STAM: variants seen among roughly 807,000 people sequenced by gnomAD.
STAM encodes signal transducing adaptor molecule, also known as signal transducing adapter molecule 1.
STAM carries 16 observed loss-of-function variants against 63.4 expected under a neutral mutation model. The observed-to-expected ratio is 0.25, with a 90% CI of 0.17 to 0.38. The LOEUF is 0.38. Ranked by LOEUF, STAM falls within the 10% of genes least tolerant of loss-of-function variation. The pLI is 1.00. For missense variants in STAM, 636 were observed against 657.1 expected (o/e 0.97, Z 0.35); for synonymous variants, 238 against 223.9 (o/e 1.06, Z -0.56).
chr10:17,696,709 A>G (rs570128813), intron 7 of STAM, 66 bp from the exon 8 acceptor site: 16 of 1,216,536 alleles, frequency 1.3e-5, no homozygotes, highest in African/African-American at 1.2e-4. Flanking sequence ...GAATACTACA[A>G]AAGATAAAGA....
intron 12 of STAM, among the ~76,000 whole-genome samples, chr10:17,706,556 T>C (rs1836289010): frequency 6.6e-6 from 1 of 151,928 alleles, no homozygotes; most frequent in African/African-American, 2.4e-5. Flanking sequence ...TTTTTTTGTA[T>C]TTTTAGTAGA....
rs141823797 is a variant in STAM at position 17,714,786 on chromosome 10, G to A, written c.*6G>A. On this transcript the variant is annotated 3_prime_UTR_variant, in exon 14 of 14. Transcript: ENST00000377524. ...CTCAGAAGGCTCTGCTATAGGACCC[G>A]GTGTTCCTCTTGGTGGCAGATACCT... The A allele has an allele frequency of 7.5e-4, 1,215 of 1,612,876 alleles. 6 individuals carry two copies. In the African/African-American group the frequency reaches 0.012, roughly 16 times the overall value.
rs7095838 is a variant in STAM at position 17,710,909 on chromosome 10, A to G, written c.1385+1958A>G. On this transcript the variant is annotated intron_variant, in intron 13 of 13. Coordinates refer to ENST00000377524, the MANE Select transcript of STAM (RefSeq NM_003473.4). ...AAATATCTATATATAAAGGTACAATATGTAATATCTGTTTATCAATATATA... is the reference window on the plus strand; with the variant it reads ...AAATATCTATATATAAAGGTACAATGTGTAATATCTGTTTATCAATATATA... 4.1e-3 allele frequency among the ~76,000 whole-genome samples: 631 copies of G among 152,302 alleles called. 6 individuals are homozygous for G. Among genetic ancestry groups the G allele is most frequent in the African/African-American group, 0.015 (612 of 41,560 alleles).
At position 17,695,231 on chromosome 10, in the gene STAM, C is replaced by A. The variant is rs782242148; in HGVS notation, c.718C>A (p.Leu240Ile). 3.7e-6 allele frequency: 6 copies of A among 1,613,270 alleles called. No individual in the cohort carries two copies. Among genetic ancestry groups the A allele is most frequent in the Non-Finnish European group, 4.2e-6 (5 of 1,179,590 alleles). ...TAAAGCTGGAGAAATTATTACAGTT[C>A]TTGATGACAGGTAATGTTAATATTA... ...TFKAGEIITVLDDSDPNWWKG... is the reference protein window; with the variant it reads ...TFKAGEIITVIDDSDPNWWKG... Residue 240 changes from leucine to isoleucine, a missense_variant, in exon 7 of 14, where the codon CTT becomes ATT. Leu to Ile is a conservative substitution (Grantham distance 5). Transcript: ENST00000377524.
At chr10:17,691,298 C>G (rs1455959652) in intron 5 of STAM, among the ~76,000 whole-genome samples, 2 of 152,116 alleles carry the variant, frequency 1.3e-5, no homozygotes, top group African/African-American at 2.4e-5. Context: ...GCGGGTGGGT[C>G]ACGAGGTCAG....
chr10:17,695,868 C>T (rs1480441373), intron 7 of STAM: 3 of 152,088 alleles, frequency 2.0e-5, no homozygotes, highest in African/African-American at 7.2e-5. Context: ...TTTGGGCTGC[C>T]GTAACAAACT....
rs557731800 is a variant in STAM, at chr10:17,697,971, A to T, written c.823+1102A>T. The stretch of plus-strand genomic sequence containing the variant: ...TTGTCCTGGTCATCTTTTTATTTCC[A>T]GCAGCTCCTAATAGTGAGTCTTATA... On this transcript the variant is annotated intron_variant, in intron 8 of 13. Coordinates refer to ENST00000377524, the MANE Select transcript of STAM (RefSeq NM_003473.4). 5.3e-5 allele frequency among the ~76,000 whole-genome samples: 8 copies of T among 152,284 alleles called. No homozygotes were observed. The South Asian group carries it at 1.7e-3, about 32-fold the overall frequency.
intron 7 of STAM, 105 bp from the exon 8 acceptor site, chr10:17,696,670 G>A (rs889007139): frequency 2.7e-6 from 2 of 748,772 alleles, no homozygotes; most frequent in African/African-American, 1.8e-5. Flanking sequence ...GGGTTATTGT[G>A]AGATTCAAAT....
At chr10:17,692,016 A>G (rs1835557863) in intron 5 of STAM, among the ~76,000 whole-genome samples, 2 of 152,196 alleles carry the variant, frequency 1.3e-5, no homozygotes, top group South Asian at 4.1e-4. Context: ...TAAACCCTGA[A>G]TGAGCCCATC....
chr10:17,709,775 A>C (rs1325460672), intron 13 of STAM, among the ~76,000 whole-genome samples: 1 of 150,992 alleles, frequency 6.6e-6, no homozygotes, highest in Non-Finnish European at 1.5e-5. Flanking sequence ...CCTCTCTTGC[A>C]CTACTCATCC....
At chr10:17,673,642 A>T (rs1319300536) in intron 2 of STAM, among the ~76,000 whole-genome samples, 1 of 152,140 alleles carries the variant, frequency 6.6e-6, no homozygotes, top group Non-Finnish European at 1.5e-5. Flanking sequence ...AGCCCTCATG[A>T]TGGGGAGATA....
intron 5 of STAM, 24 bp from the exon 6 acceptor site, chr10:17,693,198 T>C (rs1192242218): frequency 1.2e-6 from 2 of 1,607,132 alleles, no homozygotes; most frequent in Non-Finnish European, 1.7e-6. Flanking sequence ...AACCCTCAAA[T>C]ACTGTGTTCC....
intron 9 of STAM, among the ~76,000 whole-genome samples, chr10:17,704,159 C>A (rs960585509): frequency 3.9e-5 from 6 of 152,162 alleles, no homozygotes; most frequent in Non-Finnish European, 7.3e-5. Context: ...GTGGCGAGAT[C>A]ATAGCTCACT....
At position 17,679,574 on chromosome 10, in the gene STAM, CGT is replaced by C. The variant is rs1219685128; in HGVS notation, c.126-5096_126-5095del. Among the ~76,000 whole-genome samples, 5 of 147,144 alleles carry C rather than the reference CGT, an allele frequency of 3.4e-5. No homozygotes were observed. In the Admixed American group the frequency reaches 3.4e-4, roughly 10 times the overall value. On this transcript the variant is annotated intron_variant, in intron 2 of 13. Transcript: ENST00000377524. ...ACTTTTAATTTTGATGTTTAATTTG[CGT>C]GTGTTTTTTTTTTTTAAATGAAGTG...
Position 17,684,662 on chromosome 10 carries a change from C to T in STAM, c.126-13C>T. ...GTATTATTAAGTAATTTTTACTTTTCTCATTTTTTTAGACCTAAGGATTGT... is the reference window on the plus strand; with the variant it reads ...GTATTATTAAGTAATTTTTACTTTTTTCATTTTTTTAGACCTAAGGATTGT... On this transcript the variant is annotated splice_polypyrimidine_tract_variant and intron_variant, in intron 2 of 13. Transcript: ENST00000377524. 6.2e-7 allele frequency: 1 copy of T among 1,608,062 alleles called. No homozygotes were observed. The highest frequency in any genetic ancestry group is 1.1e-5 in the South Asian group (1 of 89,684).
Position 17,648,582 on chromosome 10 carries a change from G to A in STAM, c.40+4203G>A, listed in dbSNP as rs191635493. Among the ~76,000 whole-genome samples the A allele has an allele frequency of 9.2e-3, 1,396 of 152,182 alleles. 21 individuals carry two copies. Among genetic ancestry groups the A allele is most frequent in the African/African-American group, 0.032 (1,329 of 41,514 alleles). On this transcript the variant is annotated intron_variant, in intron 1 of 13. Coordinates refer to ENST00000377524, the MANE Select transcript of STAM (RefSeq NM_003473.4). ...AAAGGTCCGTGGCTTCATTCTTGAC[G>A]TCAGCGAGACCACAAACCCACCAGA...
chr10:17,647,054 G>A (rs549634055), intron 1 of STAM, among the ~76,000 whole-genome samples: 3 of 152,304 alleles, frequency 2.0e-5, no homozygotes, highest in South Asian at 4.1e-4. Flanking sequence ...AAGAAACACC[G>A]AAAGATGTTA....
chr10:17,678,483 A>T (rs2131618383), intron 2 of STAM, among the ~76,000 whole-genome samples: 1 of 152,202 alleles, frequency 6.6e-6, no homozygotes, highest in African/African-American at 2.4e-5. Flanking sequence ...CGAACTCCTG[A>T]TCTCAGGTGA....
Position 17,708,862 on chromosome 10 carries a change from G to T in STAM, c.1296G>T (p.Pro432=), listed in dbSNP as rs782524823. ...ACCTCCAGAGCTACAGTCTTCCCCC[G>T]GAGCAGCTGTCTTCTCTCAGCCAGG... ...MSHLQSYSLP[P]EQLSSLSQAV... The change falls in exon 13 of 14, where the codon CCG becomes CCT. Residue 432 remains proline, a synonymous_variant. Coordinates refer to ENST00000377524, the MANE Select transcript of STAM (RefSeq NM_003473.4). 77 of 1,614,034 alleles carry T rather than the reference G, an allele frequency of 4.8e-5. 1 individual carries two copies. The highest frequency in any genetic ancestry group is 3.1e-5 in the Non-Finnish European group (36 of 1,180,022).
Sources: gnomAD v4.1 joint callset for allele counts (sites outside exome capture counted in the v4.1 genomes callset) on GRCh38, gnomAD v4.1.1 for gene constraint, MANE v1.5 for transcripts, NCBI Gene and HGNC (gene_info 2026-07-23, HGNC 2026-07-21) for gene names.